LARP4B: variants seen among roughly 807,000 people sequenced by gnomAD.
The protein encoded by LARP4B is La ribonucleoprotein 4B, also known as la-related protein 4B.
In LARP4B, 12 loss-of-function variants were observed where a neutral mutation model predicts 89.8. That is an observed-to-expected ratio of 0.13 (90% CI 0.09 to 0.22). The LOEUF is 0.22. LARP4B is among the 10% of genes least tolerant of loss of function. The pLI is 1.00. For missense variants in LARP4B, 757 were observed against 947.7 expected, an observed-to-expected ratio of 0.80 and a Z score of 2.64; for synonymous variants, 367 against 363.3, an observed-to-expected ratio of 1.01 and a Z score of -0.12.
rs902941661 is a variant in LARP4B at position 810,242 on chromosome 10, C to G, written c.*2684G>C. 6.6e-6 allele frequency: 1 copy of G among 151,990 alleles called. No homozygotes were observed. The highest frequency in any genetic ancestry group is 1.5e-5 in the Non-Finnish European group (1 of 68,016). The allele number at this position is 151,990 out of a possible 1,614,324, so 9.4% of individuals were successfully genotyped here. On this transcript the variant is annotated 3_prime_UTR_variant, in exon 18 of 18. Coordinates refer to ENST00000316157, the MANE Select transcript of LARP4B (RefSeq NM_015155.3). ...GTGACACAGCACAGTTGGCATGGAC[C>G]GCCACAGCTTCCTATTATGATAACT...
In LARP4B at chr10:870,777, C is replaced by T. The variant is rs10128146; in HGVS notation, c.142-6507G>A. On this transcript the variant is annotated intron_variant, in intron 3 of 17. Transcript: ENST00000316157. ...GTATTATTACCAAAGATACCAGAAGCTTCTTCAATTGATTCAGAGGAAATT... is the reference window on the plus strand; with the variant it reads ...GTATTATTACCAAAGATACCAGAAGTTTCTTCAATTGATTCAGAGGAAATT... Among the ~76,000 whole-genome samples the T allele has an allele frequency of 8.8e-3, 1,339 of 152,304 alleles. 25 individuals are homozygous for T. Among genetic ancestry groups the T allele is most frequent in the African/African-American group, 0.031 (1,268 of 41,560 alleles).
chr10:921,032 G>A (rs1199566231), intron 1 of LARP4B, among the ~76,000 whole-genome samples: 1 of 152,118 alleles, frequency 6.6e-6, no homozygotes, highest in Admixed American at 6.5e-5. Flanking sequence ...CCAGCACTTT[G>A]GGAGGCCAAG....
intron 1 of LARP4B, among the ~76,000 whole-genome samples, chr10:892,121 C>T (rs1245981753): frequency 6.6e-6 from 1 of 152,226 alleles, no homozygotes; most frequent in Non-Finnish European, 1.5e-5. Flanking sequence ...CACAGCCGAC[C>T]AAGGAGTTGA....
chr10:875,538 C>T (rs562799633), intron 3 of LARP4B, among the ~76,000 whole-genome samples: 41 of 152,362 alleles, frequency 2.7e-4, no homozygotes, highest in African/African-American at 9.1e-4. Context: ...TTTGTGAAAC[C>T]ATTCTGTGCT....
chr10:968,402 T>C, the LARP4B span, among the ~76,000 whole-genome samples: 1 of 152,226 alleles, frequency 6.6e-6, no homozygotes, highest in Admixed American at 6.5e-5. Context: ...AGCAACCCTT[T>C]ATTAGCATAT....
intron 1 of LARP4B, among the ~76,000 whole-genome samples, chr10:892,902 ATTTT>A (rs56051964): frequency 9.9e-4 from 117 of 117,942 alleles, no homozygotes; most frequent in African/African-American, 2.0e-3. Context: ...ACCAAGAGAA[ATTTT>A]TTTTTTTTTT....
At chr10:876,091 C>A (rs570280940) in intron 3 of LARP4B, among the ~76,000 whole-genome samples, 3 of 152,182 alleles carry the variant, frequency 2.0e-5, no homozygotes, top group East Asian at 1.9e-4. Context: ...GGCACACACA[C>A]AAAAAAATTC....
At chr10:926,719 A>T (rs962699168) in intron 1 of LARP4B, among the ~76,000 whole-genome samples, 1 of 152,230 alleles carries the variant, frequency 6.6e-6, no homozygotes, top group African/African-American at 2.4e-5. Context: ...CCCCCTAAAA[A>T]ACTAAGCAGT....
At chr10:864,034 T>C (rs1834763720) in intron 4 of LARP4B, 89 bp downstream of exon 4, 6 of 1,577,670 alleles carry the variant, frequency 3.8e-6, no homozygotes, top group Non-Finnish European at 5.2e-6. Flanking sequence ...CAGTTATGAA[T>C]GAACAACATC....
intron 1 of LARP4B, among the ~76,000 whole-genome samples, 161 bp downstream of exon 1, chr10:931,267 G>A (rs1168586498): frequency 6.1e-5 from 9 of 148,330 alleles, no homozygotes; most frequent in Admixed American, 6.7e-5. Flanking sequence ...TCCTCAACCC[G>A]GCCCCGGCCT....
At chr10:920,049 A>C (rs1836937783) in intron 1 of LARP4B, among the ~76,000 whole-genome samples, 1 of 152,256 alleles carries the variant, frequency 6.6e-6, no homozygotes, top group African/African-American at 2.4e-5. Context: ...CTGCTTTAAA[A>C]ATCTACCTCA....
At chr10:944,834 G>A in the LARP4B span, among the ~76,000 whole-genome samples, 3 of 152,010 alleles carry the variant, frequency 2.0e-5, 1 homozygote, top group South Asian at 4.1e-4. Flanking sequence ...GGCTCAAGTC[G>A]GCGTCTAAAG....
the LARP4B span, among the ~76,000 whole-genome samples, chr10:950,622 C>T: frequency 3.9e-5 from 6 of 152,146 alleles, no homozygotes; most frequent in Admixed American, 6.5e-5. Flanking sequence ...GTCTTCCAAT[C>T]GATGAACACC....
chr10:883,563 TA>T (rs1564429375), intron 3 of LARP4B, among the ~76,000 whole-genome samples: 1 of 151,780 alleles, frequency 6.6e-6, no homozygotes, highest in Non-Finnish European at 1.5e-5. Context: ...ACAGAATACA[TA>T]AAAATTTTAC....
At chr10:913,732 A>C (rs1275649709) in intron 1 of LARP4B, among the ~76,000 whole-genome samples, 1 of 152,136 alleles carries the variant, frequency 6.6e-6, no homozygotes, top group Non-Finnish European at 1.5e-5. Context: ...AATACAGTGA[A>C]ACCCCCTCTC....
chr10:922,784 C>G (rs1837018856), intron 1 of LARP4B, among the ~76,000 whole-genome samples: 1 of 152,088 alleles, frequency 6.6e-6, no homozygotes. Context: ...TAAAATCATG[C>G]TACGCAGGCC....
At chr10:863,310 G>A (rs573896089) in intron 5 of LARP4B, among the ~76,000 whole-genome samples, 236 of 150,486 alleles carry the variant, frequency 1.6e-3, no homozygotes, top group Non-Finnish European at 2.9e-3. Flanking sequence ...TGCAAGCTCC[G>A]CCTCCAGGTT....
chr10:918,406 G>A (rs1185363712), intron 1 of LARP4B, among the ~76,000 whole-genome samples: 3 of 152,146 alleles, frequency 2.0e-5, no homozygotes, highest in African/African-American at 7.2e-5. Flanking sequence ...GCCAAGGCAG[G>A]AGGATTGCTT....
chr10:861,524 C>A (rs151039859), intron 5 of LARP4B, among the ~76,000 whole-genome samples: 2 of 152,112 alleles, frequency 1.3e-5, no homozygotes, highest in Non-Finnish European at 2.9e-5. Context: ...GTTTTAAATA[C>A]CCCTTTTAAA....
Sources: gnomAD v4.1 joint callset for allele counts (sites outside exome capture counted in the v4.1 genomes callset) on GRCh38, gnomAD v4.1.1 for gene constraint, MANE v1.5 for transcripts, NCBI Gene and HGNC (gene_info 2026-07-23, HGNC 2026-07-21) for gene names.